CNTN5: variants seen among roughly 807,000 people sequenced by gnomAD.
CNTN5 encodes the protein contactin-5.
A neutral mutation model predicts 129.1 loss-of-function variants in CNTN5; 77 were observed. The observed-to-expected ratio is 0.60, with a 90% CI of 0.50 to 0.72. The LOEUF (loss-of-function observed/expected upper bound fraction) is 0.72, where lower values mean the gene tolerates loss of function less well. Among genes scored for constraint, CNTN5 ranks in the 30% least tolerant of loss-of-function variants. The probability of loss-of-function intolerance (pLI) is 0.00; values close to 1 mark genes in which losing one functional copy is unlikely to be tolerated. For synonymous variants in CNTN5, 509 were observed against 465.6 expected (o/e 1.09, Z -1.20); for missense variants, 1,478 against 1,328.8 (o/e 1.11, Z -1.75).
At chr11:100,028,869 TGAGTTTAAA>T (rs772169270) in intron 9 of CNTN5, among the ~76,000 whole-genome samples, 4 of 152,238 alleles carry the variant, frequency 2.6e-5, no homozygotes, top group Non-Finnish European at 5.9e-5. Context: ...TTTTTTCCTG[TGAGTTTAAA>T]GAGTATTTTC....
At chr11:99,479,221 G>A (rs1474910808) in intron 2 of CNTN5, among the ~76,000 whole-genome samples, 1 of 150,596 alleles carries the variant, frequency 6.6e-6, no homozygotes, top group Non-Finnish European at 1.5e-5. Flanking sequence ...GATAACACTG[G>A]AAACCAATAA....
At chr11:99,727,593 G>A (rs1943395437) in intron 3 of CNTN5, among the ~76,000 whole-genome samples, 1 of 100,220 alleles carries the variant, frequency 1.0e-5, no homozygotes, top group Non-Finnish European at 2.0e-5. Flanking sequence ...AATTACTATT[G>A]TCCTTTAATG....
At chr11:99,908,032 A>G (rs1023956988) in intron 6 of CNTN5, among the ~76,000 whole-genome samples, 10 of 152,090 alleles carry the variant, frequency 6.6e-5, no homozygotes, top group Non-Finnish European at 1.0e-4. Context: ...CTGTGAGTTA[A>G]AATCATGAAG....
intron 3 of CNTN5, among the ~76,000 whole-genome samples, chr11:99,742,485 G>T (rs944562418): frequency 6.6e-6 from 1 of 152,104 alleles, no homozygotes; most frequent in African/African-American, 2.4e-5. Flanking sequence ...AGCTTTAAGT[G>T]GGATTGTGTG....
intron 3 of CNTN5, among the ~76,000 whole-genome samples, chr11:99,600,542 T>C (rs943955060): frequency 6.6e-6 from 1 of 152,136 alleles, no homozygotes; most frequent in African/African-American, 2.4e-5. Context: ...CCTCAATTCA[T>C]CCCAGCTTCC....
At chr11:99,794,916 G>T (rs1161366639) in intron 3 of CNTN5, among the ~76,000 whole-genome samples, 1 of 152,008 alleles carries the variant, frequency 6.6e-6, no homozygotes, top group East Asian at 1.9e-4. Flanking sequence ...TGGCTGTCCT[G>T]TATAATATCT....
In CNTN5 at chr11:100,101,536, T is replaced by A. The variant is rs142005500; in HGVS notation, c.1580+27242T>A. Reference sequence around the variant, plus strand: ...TTTCCTCATGCAGCGGCTTCTGCTTTATCTTTACTCTAAACTCCTAAGAAA... The same window carrying A: ...TTTCCTCATGCAGCGGCTTCTGCTTAATCTTTACTCTAAACTCCTAAGAAA... On this transcript the variant is annotated intron_variant, in intron 13 of 24. Transcript: ENST00000524871. 2.0e-3 allele frequency among the ~76,000 whole-genome samples: 304 copies of A among 152,216 alleles called. 2 individuals carry two copies. Among genetic ancestry groups the A allele is most frequent in the African/African-American group, 6.8e-3 (281 of 41,558 alleles).
intron 6 of CNTN5, among the ~76,000 whole-genome samples, chr11:99,857,163 CAACTATTTAA>C (rs1213579552): frequency 6.6e-6 from 1 of 151,302 alleles, no homozygotes; most frequent in Non-Finnish European, 1.5e-5. Flanking sequence ...CATTTCATTA[CAACTATTTAA>C]AACAATGGCT....
intron 1 of CNTN5, among the ~76,000 whole-genome samples, chr11:99,221,125 A>G (rs974976830): frequency 1.3e-5 from 2 of 151,946 alleles, no homozygotes; most frequent in African/African-American, 4.8e-5. Flanking sequence ...AACAATTAGG[A>G]GATTTTCATT....
intron 4 of CNTN5, chr11:99,844,508 A>G (rs1025978288): frequency 3.0e-6 from 1 of 328,308 alleles, no homozygotes; most frequent in East Asian, 1.1e-4. Flanking sequence ...GAATTTTACA[A>G]ACTTTCAGGT....
Position 99,777,180 on chromosome 11 carries a change from C to A in CNTN5, c.56-42364C>A, listed in dbSNP as rs553439019. Among the ~76,000 whole-genome samples, 22 of 151,786 alleles carry A rather than the reference C, an allele frequency of 1.4e-4. No homozygotes were observed. In the East Asian group the frequency reaches 4.3e-3, roughly 30 times the overall value. On this transcript the variant is annotated intron_variant, in intron 3 of 24. Coordinates refer to ENST00000524871, the MANE Select transcript of CNTN5 (RefSeq NM_014361.4). Reference sequence around the variant, plus strand: ...CACTGAAATATATTCATGATTTTGACAATTTACTATTCAAAAAAAGTAGTG... The same window carrying A: ...CACTGAAATATATTCATGATTTTGAAAATTTACTATTCAAAAAAAGTAGTG...
chr11:100,002,131 T>A lies in CNTN5; in HGVS notation c.975T>A (p.Leu325=). The A allele has an allele frequency of 6.4e-7, 1 of 1,557,776 alleles. No individual in the cohort carries two copies. Among genetic ancestry groups the A allele is most frequent in the Non-Finnish European group, 8.6e-7 (1 of 1,158,214 alleles). Reference sequence around the variant, plus strand: ...CTGTTAAGATGGAATGCTTTGCACTTGGCAAGTAAGTACATGTTCTTCCAT... The same window carrying A: ...CTGTTAAGATGGAATGCTTTGCACTAGGCAAGTAAGTACATGTTCTTCCAT... ...GTTVKMECFA[L]GNPVPTITWM... Residue 325 remains leucine (L), a synonymous_variant, in exon 9 of 25, where the codon CTT becomes CTA. Transcript: ENST00000524871.
intron 3 of CNTN5, among the ~76,000 whole-genome samples, chr11:99,617,012 G>C (rs1051001787): frequency 2.0e-5 from 3 of 152,218 alleles, no homozygotes; most frequent in Admixed American, 1.3e-4. Flanking sequence ...TCGGGAGGCT[G>C]AGGCAGGAGA....
intron 13 of CNTN5, among the ~76,000 whole-genome samples, chr11:100,134,013 G>T (rs1371889460): frequency 6.6e-6 from 1 of 152,062 alleles, no homozygotes; most frequent in African/African-American, 2.4e-5. Context: ...ACGAAGGATT[G>T]CCAGGATAGA....
intron 3 of CNTN5, among the ~76,000 whole-genome samples, chr11:99,687,116 A>T (rs1244617430): frequency 6.6e-6 from 1 of 152,192 alleles, no homozygotes; most frequent in African/African-American, 2.4e-5. Flanking sequence ...AAGAACTTGA[A>T]GGTTAATGTA....
intron 3 of CNTN5, among the ~76,000 whole-genome samples, chr11:99,682,117 C>G (rs558807637): frequency 6.6e-6 from 1 of 152,082 alleles, no homozygotes; most frequent in Non-Finnish European, 1.5e-5. Flanking sequence ...TATGAATAAT[C>G]TATCATATAA....
intron 3 of CNTN5, among the ~76,000 whole-genome samples, chr11:99,601,751 C>T (rs1950318343): frequency 6.6e-6 from 1 of 152,190 alleles, no homozygotes; most frequent in African/African-American, 2.4e-5. Flanking sequence ...AGGATACTGG[C>T]TTCCTCTTTA....
intron 9 of CNTN5, among the ~76,000 whole-genome samples, chr11:100,060,646 T>C (rs1216142927): frequency 6.6e-6 from 1 of 151,222 alleles, no homozygotes; most frequent in African/African-American, 2.4e-5. Context: ...TTTTCTTTTT[T>C]TTTTTTTTTT....
At chr11:99,800,219 A>C (rs1489840704) in intron 3 of CNTN5, among the ~76,000 whole-genome samples, 1 of 151,936 alleles carries the variant, frequency 6.6e-6, no homozygotes, top group African/African-American at 2.4e-5. Context: ...TTCATTGTTT[A>C]CTTAAAAGTC....
Sources: gnomAD v4.1 joint callset for allele counts (sites outside exome capture counted in the v4.1 genomes callset) on GRCh38, gnomAD v4.1.1 for gene constraint, MANE v1.5 for transcripts, NCBI Gene and HGNC (gene_info 2026-07-23, HGNC 2026-07-21) for gene names.